GREB1L: variants seen among roughly 807,000 people sequenced by gnomAD.
GREB1L encodes GREB1-like protein.
GREB1L carries 17 observed loss-of-function variants against 200.8 expected under a neutral mutation model. That is an observed-to-expected ratio of 0.08 (90% confidence interval 0.06 to 0.13). The LOEUF is 0.13. Ranked by LOEUF, GREB1L falls within the 10% of genes least tolerant of loss-of-function variation. The pLI, the probability that GREB1L is intolerant of heterozygous loss-of-function variation, is 1.00. For missense variants in GREB1L, 1,657 were observed against 2,367.7 expected (o/e 0.70, Z 6.23); for synonymous variants, 789 against 893.0 (o/e 0.88, Z 2.08).
At chr18:21,352,120 A>G (rs1389908061) in intron 1 of GREB1L, among the ~76,000 whole-genome samples, 1 of 152,194 alleles carries the variant, frequency 6.6e-6, no homozygotes, top group Non-Finnish European at 1.5e-5. Context: ...TGCTGGGATT[A>G]CAGGCGTGAG....
At chr18:21,488,295 C>G (rs1208554445) in intron 18 of GREB1L, among the ~76,000 whole-genome samples, 2 of 151,726 alleles carry the variant, frequency 1.3e-5, no homozygotes, top group Non-Finnish European at 2.9e-5. Context: ...GACTCTGTCT[C>G]GAAAAAAGAA....
chr18:21,334,173 G>C (rs1015600669), intron 1 of GREB1L, among the ~76,000 whole-genome samples: 3 of 152,108 alleles, frequency 2.0e-5, no homozygotes, highest in African/African-American at 7.2e-5. Flanking sequence ...ATGTTAGTAA[G>C]TTTTGCAGTA....
chr18:21,497,810 C>CA (rs2036606461), intron 21 of GREB1L, among the ~76,000 whole-genome samples: 1 of 118,132 alleles, frequency 8.5e-6, no homozygotes, highest in Non-Finnish European at 1.9e-5. Flanking sequence ...CTCCCCTCAC[C>CA]ACCCCCCCCC....
chr18:21,499,083 C>T (rs998059771), intron 21 of GREB1L, among the ~76,000 whole-genome samples: 6 of 152,194 alleles, frequency 3.9e-5, no homozygotes, highest in Non-Finnish European at 7.3e-5. Context: ...TGTCCCACTT[C>T]GCGCAGGGCA....
chr18:21,472,831 C>T (rs1488526316), intron 15 of GREB1L, among the ~76,000 whole-genome samples, 200 bp from the exon 16 acceptor site: 3 of 152,136 alleles, frequency 2.0e-5, no homozygotes, highest in African/African-American at 7.2e-5. Context: ...AGGTGAGCGG[C>T]AGTGTTACAA....
At position 21,399,470 on chromosome 18, in the gene GREB1L, T is replaced by TGGATGGAG. The variant is rs1223790198; in HGVS notation, c.533-1673_533-1672insGGGATGGA. 2.3e-3 allele frequency among the ~76,000 whole-genome samples: 352 copies of TGGATGGAG among 151,050 alleles called. 2 individuals carry two copies. Among genetic ancestry groups the TGGATGGAG allele is most frequent in the African/African-American group, 8.2e-3 (336 of 41,138 alleles). On this transcript the variant is annotated intron_variant, in intron 5 of 32. Coordinates refer to ENST00000424526, the MANE Select transcript of GREB1L (RefSeq NM_001142966.3). The stretch of plus-strand genomic sequence containing the variant: ...ATGGATGGTTGGATGGATGGATGGA[T>TGGATGGAG]GGATGGATGGATGGATGGATGGATA...
chr18:21,307,666 C>T (rs749854637), intron 1 of GREB1L, among the ~76,000 whole-genome samples: 8 of 152,054 alleles, frequency 5.3e-5, no homozygotes, highest in African/African-American at 1.2e-4. Context: ...TCTCCCTACC[C>T]GGGAGGCTGT....
chr18:21,242,855 C>CCGGG, intron 1 of GREB1L, among the ~76,000 whole-genome samples: 1 of 151,986 alleles, frequency 6.6e-6, no homozygotes, highest in Admixed American at 6.5e-5. Context: ...TGAGGGGGTG[C>CCGGG]CGGGCAGGCG....
At chr18:21,326,935 G>T (rs1305541689) in intron 1 of GREB1L, among the ~76,000 whole-genome samples, 1 of 151,292 alleles carries the variant, frequency 6.6e-6, no homozygotes, top group Non-Finnish European at 1.5e-5. Context: ...TTTTGTTGTT[G>T]TTTTTTTTCA....
At chr18:21,403,062 C>G (rs951090622) in intron 6 of GREB1L, among the ~76,000 whole-genome samples, 4 of 152,034 alleles carry the variant, frequency 2.6e-5, no homozygotes, top group African/African-American at 9.7e-5. Flanking sequence ...TTGTATGTAT[C>G]TCATAAACTT....
chr18:21,397,008 T>C (rs1485532330), intron 5 of GREB1L, among the ~76,000 whole-genome samples: 2 of 152,206 alleles, frequency 1.3e-5, no homozygotes, highest in African/African-American at 4.8e-5. Context: ...TTGATCATGA[T>C]GTGTATTTAT....
intron 1 of GREB1L, among the ~76,000 whole-genome samples, chr18:21,331,536 T>C (rs2039107105): frequency 6.6e-6 from 1 of 152,236 alleles, no homozygotes. Flanking sequence ...AATCTTCTTA[T>C]TCTGTTGTCT....
chr18:21,439,577 C>G lies in GREB1L; in HGVS notation c.889C>G (p.Pro297Ala), dbSNP rs555927212. Residue 297 changes from proline (P) to alanine (A), a missense_variant, in exon 8 of 33, where the codon CCA (proline) becomes GCA (alanine). By Grantham distance (27) the Pro-to-Ala change is conservative. This residue lies in a region of GREB1L where 289 missense variants were observed against 345.1 expected (regional missense o/e 0.84). Coordinates refer to ENST00000424526, the MANE Select transcript of GREB1L (RefSeq NM_001142966.3). ...GAAGGGCAGTGCATCCAGCTCCACTCCAGCCCACACAGGGAATTACTCTTT... is the reference window on the plus strand; with the variant it reads ...GAAGGGCAGTGCATCCAGCTCCACTGCAGCCCACACAGGGAATTACTCTTT... ...GGKGSASSST[P>A]AHTGNYSLSP... 1.5e-5 allele frequency: 24 copies of G among 1,551,950 alleles called. No individual in the cohort carries two copies. In the Admixed American group the frequency reaches 1.6e-4, roughly 10 times the overall value.
Position 21,496,447 on chromosome 18 carries a change from T to C in GREB1L, c.3147-7T>C. ...GACTCACCAACAACACAATTACTTT[T>C]GTTCAGGTCTTTGAAGTACTGTGAC... is the stretch of plus-strand genomic sequence containing the variant. On this transcript the variant is annotated splice_polypyrimidine_tract_variant and splice_region_variant and intron_variant, in intron 20 of 32. Coordinates refer to ENST00000424526, the MANE Select transcript of GREB1L (RefSeq NM_001142966.3). The C allele has an allele frequency of 1.3e-6, 2 of 1,551,678 alleles. No homozygotes were observed. The highest frequency in any genetic ancestry group is 1.7e-6 in the Non-Finnish European group (2 of 1,146,990).
intron 1 of GREB1L, among the ~76,000 whole-genome samples, chr18:21,282,892 C>T (rs2038293815): frequency 6.6e-6 from 1 of 152,212 alleles, no homozygotes; most frequent in African/African-American, 2.4e-5. Context: ...GCCACTGCAC[C>T]CAGCCTTTGC....
At chr18:21,247,038 A>G (rs2037615462) in intron 1 of GREB1L, among the ~76,000 whole-genome samples, 1 of 152,174 alleles carries the variant, frequency 6.6e-6, no homozygotes, top group Non-Finnish European at 1.5e-5. Context: ...CATCCCTGAT[A>G]TTTTTGGCAA....
Position 21,523,576 on chromosome 18 carries a change from A to G in GREB1L, c.*755A>G, listed in dbSNP as rs1328908310. 1 of 152,222 alleles carries G rather than the reference A, an allele frequency of 6.6e-6. No individual in the cohort carries two copies. The highest frequency in any genetic ancestry group is 2.4e-5 in the African/African-American group (1 of 41,458). The allele number at this position is 152,222 out of a possible 1,614,324, so 9.4% of individuals were successfully genotyped here. A position where few individuals can be genotyped will look rare whatever the true frequency, so the allele number is the denominator to read the frequency against. On this transcript the variant is annotated 3_prime_UTR_variant, in exon 33 of 33. Transcript: ENST00000424526. The stretch of plus-strand genomic sequence containing the variant: ...TCCAGTCTTTAAGAATATCTTATCT[A>G]TGAGACTATGGAACAGTGATTAATC...
rs1407912822 is a variant in GREB1L at position 21,440,281 on chromosome 18, T to A, written c.962T>A (p.Ile321Asn). The change falls in exon 9 of 33, where the codon ATT becomes AAT. Residue 321 changes from isoleucine to asparagine, a missense_variant. Transcript: ENST00000424526. ...TGTTTGTCTTCAGCTACCATGTTCA[T>A]TTCTGGGCCACCAAAGAAACGACAC... ...YASGDQATMFISGPPKKRHRG... is the reference protein window; with the variant it reads ...YASGDQATMFNSGPPKKRHRG... 3 of 1,551,636 alleles carry A rather than the reference T, an allele frequency of 1.9e-6. No homozygotes were observed. The Admixed American group carries it at 5.9e-5, about 30-fold the overall frequency.
intron 7 of GREB1L, among the ~76,000 whole-genome samples, chr18:21,408,452 A>G (rs1411131688): frequency 6.6e-6 from 1 of 152,208 alleles, no homozygotes; most frequent in Non-Finnish European, 1.5e-5. Context: ...ATGGCTAATA[A>G]GCACATGAAA....
Sources: gnomAD v4.1 joint callset for allele counts (sites outside exome capture counted in the v4.1 genomes callset) on GRCh38, gnomAD v4.1.1 for gene constraint, gnomAD v4.1.1 regional missense constraint, MANE v1.5 for transcripts, NCBI Gene and HGNC (gene_info 2026-07-23, HGNC 2026-07-21) for gene names.